DNAH11: variants seen among roughly 807,000 people sequenced by gnomAD.
The protein encoded by DNAH11 is dynein axonemal heavy chain 11.
Under a neutral mutation model 526.0 loss-of-function variants are expected in DNAH11, and 442 were observed. The ratio of observed to expected loss-of-function variants is 0.84; its 90% CI spans 0.78 to 0.91. The LOEUF (loss-of-function observed/expected upper bound fraction) is 0.91. Among genes scored for constraint, DNAH11 ranks in the 40% least tolerant of loss-of-function variants. DNAH11 has a pLI of 0.00. For synonymous variants in DNAH11, 2,461 were observed against 1,935.9 expected, an observed-to-expected ratio of 1.27 and a Z score of -7.12; for missense variants, 6,989 against 5,448.7, an observed-to-expected ratio of 1.28 and a Z score of -8.90.
In DNAH11 at chr7:21,710,271, A is replaced by G. The variant is rs570135098; in HGVS notation, c.6684-282A>G. ...AGTTTTAGGTACGTTACCTTCTATA[A>G]ATCCCCACAACTGTTCATGAAGGAA... is the stretch of plus-strand genomic sequence containing the variant. On this transcript the variant is annotated intron_variant, in intron 40 of 81. Coordinates refer to ENST00000409508, the MANE Select transcript of DNAH11 (RefSeq NM_001277115.2). Among the ~76,000 whole-genome samples, 32 of 152,266 alleles carry G rather than the reference A, an allele frequency of 2.1e-4. No individual in the cohort carries two copies. The South Asian group carries it at 6.0e-3, about 29-fold the overall frequency.
At chr7:21,780,580 T>G (rs7797084) in intron 57 of DNAH11, among the ~76,000 whole-genome samples, 103,236 of 147,244 alleles carry the variant, frequency 0.7, 35,634 homozygotes, top group Admixed American at 0.75. Context: ...CTCTAGAGAT[T>G]TTTTTTTGCA....
chr7:21,644,527 GAA>G (rs2128461779), intron 28 of DNAH11, among the ~76,000 whole-genome samples: 1 of 152,324 alleles, frequency 6.6e-6, no homozygotes, highest in East Asian at 1.9e-4. Context: ...AAAGGAAGTA[GAA>G]AGCTGGAAAG....
At chr7:21,601,964 A>T (rs960831980) in intron 18 of DNAH11, among the ~76,000 whole-genome samples, 2 of 151,584 alleles carry the variant, frequency 1.3e-5, no homozygotes, top group Non-Finnish European at 2.9e-5. Context: ...AAATATATCC[A>T]TACTTTTTTT....
chr7:21,739,110 C>G (rs1785755475), intron 47 of DNAH11, among the ~76,000 whole-genome samples: 1 of 152,092 alleles, frequency 6.6e-6, no homozygotes, highest in Non-Finnish European at 1.5e-5. Context: ...AAAAGTGTCT[C>G]AGAAATGTTA....
At chr7:21,557,807 C>T (rs1046521037) in intron 2 of DNAH11, among the ~76,000 whole-genome samples, 1 of 152,174 alleles carries the variant, frequency 6.6e-6, no homozygotes, top group Non-Finnish European at 1.5e-5. Context: ...CCTGGACATA[C>T]CTCTAATCAT....
chr7:21,735,897 G>T, intron 46 of DNAH11, 53 bp downstream of exon 46: 1 of 1,506,726 alleles, frequency 6.6e-7, no homozygotes, highest in South Asian at 1.4e-5. Context: ...TCATCAAGGC[G>T]GGCACATGCA....
intron 61 of DNAH11, among the ~76,000 whole-genome samples, chr7:21,798,361 G>T (rs1166083213): frequency 6.6e-6 from 1 of 152,194 alleles, no homozygotes; most frequent in Non-Finnish European, 1.5e-5. Context: ...CTCCCAAAGT[G>T]CTGGGATTAC....
intron 20 of DNAH11, among the ~76,000 whole-genome samples, chr7:21,608,067 T>C (rs1785373163): frequency 6.6e-6 from 1 of 151,790 alleles, no homozygotes; most frequent in Non-Finnish European, 1.5e-5. Flanking sequence ...ATCAGAAATT[T>C]TAACCACTAT....
rs2128431283 is a variant in DNAH11, at chr7:21,559,786, T to C, written c.876T>C (p.Tyr292=). The change falls in exon 4 of 82, where the codon TAT becomes TAC. Residue 292 remains tyrosine (Y), a synonymous_variant. Coordinates refer to ENST00000409508, the MANE Select transcript of DNAH11 (RefSeq NM_001277115.2). ...GGAGAGAAAATCTGTCATGCATTTA[T>C]GATCAAGTAAGTAGATAGCCCTAGA... The part of the protein sequence containing the change: ...MMRRENLSCI[Y]DQLQAPVVLK... The C allele has an allele frequency of 2.5e-6, 4 of 1,595,506 alleles. No homozygotes were observed. Among genetic ancestry groups the C allele is most frequent in the Non-Finnish European group, 3.4e-6 (4 of 1,169,866 alleles).
At chr7:21,813,692 A>T (rs892699357) in intron 63 of DNAH11, among the ~76,000 whole-genome samples, 1 of 152,176 alleles carries the variant, frequency 6.6e-6, no homozygotes, top group Non-Finnish European at 1.5e-5. Flanking sequence ...TTTTCCAAAG[A>T]GTGAGCCTCC....
intron 45 of DNAH11, among the ~76,000 whole-genome samples, chr7:21,729,712 C>CCTTAT (rs1785290862): frequency 5.1e-5 from 1 of 19,446 alleles, no homozygotes; most frequent in Non-Finnish European, 1.6e-4. Flanking sequence ...ACACTGAGGT[C>CCTTAT]TCACCAGAAC....
Position 21,559,733 on chromosome 7 carries a change from C to G in DNAH11, c.823C>G (p.Gln275Glu), listed in dbSNP as rs750255266. The change falls in exon 4 of 82, where the codon CAA becomes GAA. Residue 275 changes from glutamine (Q) to glutamate (E), a missense_variant. Coordinates refer to ENST00000409508, the MANE Select transcript of DNAH11 (RefSeq NM_001277115.2). ...RLLNGLHLSPQAELDFWMMRR... is the reference protein window; with the variant it reads ...RLLNGLHLSPEAELDFWMMRR... ...GTTGAATGGTCTTCACTTGTCTCCT[C>G]AAGCAGAACTAGATTTCTGGATGAT... is the stretch of plus-strand genomic sequence containing the variant. 1.2e-6 allele frequency: 2 copies of G among 1,609,028 alleles called. No individual in the cohort carries two copies. The highest frequency in any genetic ancestry group is 1.7e-6 in the Non-Finnish European group (2 of 1,177,390).
rs372201259 is a variant in DNAH11, at chr7:21,576,143, AT to A, written c.1593+4172del. 5.9e-3 allele frequency among the ~76,000 whole-genome samples: 900 copies of A among 152,058 alleles called. 6 individuals are homozygous for A. Among genetic ancestry groups the A allele is most frequent in the African/African-American group, 0.02 (840 of 41,492 alleles). On this transcript the variant is annotated intron_variant, in intron 8 of 81. Transcript: ENST00000409508. ...AGTATCCTACCTGCCAGCGATGGAG[AT>A]TGACTCTGAGGCTCCACCATGGTAT...
Position 21,872,461 on chromosome 7 carries a change from T to C in DNAH11, c.11968-813T>C, listed in dbSNP as rs979440206. ...TTATAATCTTAAATGTTTTTCTTTG[T>C]TGGAAATAATTATATATATCTGGGT... On this transcript the variant is annotated intron_variant, in intron 73 of 81. Coordinates refer to ENST00000409508, the MANE Select transcript of DNAH11 (RefSeq NM_001277115.2). Among the ~76,000 whole-genome samples, 5 of 152,218 alleles carry C rather than the reference T, an allele frequency of 3.3e-5. 1 individual carries two copies. The South Asian group carries it at 1.0e-3, about 31-fold the overall frequency.
chr7:21,678,580 A>G (rs1583586821), intron 30 of DNAH11, among the ~76,000 whole-genome samples: 1 of 150,708 alleles, frequency 6.6e-6, no homozygotes, highest in African/African-American at 2.5e-5. Flanking sequence ...TTTTTTCTAC[A>G]TCTGCAAAAA....
chr7:21,631,600 C>T (rs112254561), intron 25 of DNAH11, among the ~76,000 whole-genome samples: 10,172 of 152,304 alleles, frequency 0.067, 373 homozygotes, highest in South Asian at 0.1. Context: ...AGTCTGAAAT[C>T]CAGCGGGGCA....
Position 21,834,317 on chromosome 7 carries a change from C to T in DNAH11, c.10692-8227C>T, listed in dbSNP as rs112742996. On this transcript the variant is annotated intron_variant, in intron 65 of 81. Transcript: ENST00000409508. ...TTCTTGAAACAAAGAAAAATGGAAG[C>T]ACATACCAAAACCTATGGAACACAG... 4.1e-3 allele frequency among the ~76,000 whole-genome samples: 621 copies of T among 152,148 alleles called. 4 individuals carry two copies. Among genetic ancestry groups the T allele is most frequent in the African/African-American group, 0.014 (596 of 41,520 alleles).
intron 55 of DNAH11, among the ~76,000 whole-genome samples, chr7:21,768,526 G>A (rs1238053418): frequency 2.6e-5 from 4 of 152,124 alleles, no homozygotes; most frequent in Non-Finnish European, 5.9e-5. Context: ...AGGTGAAAGA[G>A]GTCATCTTTG....
At chr7:21,607,340 T>C (rs749768948) in intron 20 of DNAH11, among the ~76,000 whole-genome samples, 30 of 152,154 alleles carry the variant, frequency 2.0e-4, no homozygotes, top group East Asian at 5.8e-4. Flanking sequence ...CCCACCCAGA[T>C]TGAGGGTGGG....
Sources: gnomAD v4.1 joint callset for allele counts (sites outside exome capture counted in the v4.1 genomes callset) on GRCh38, gnomAD v4.1.1 for gene constraint, MANE v1.5 for transcripts, NCBI Gene and HGNC (gene_info 2026-07-23, HGNC 2026-07-21) for gene names.